Variants in IFFO2 observed in about 807,000 individuals in gnomAD.
The protein encoded by IFFO2 is intermediate filament family orphan 2.
Under a neutral mutation model 53.5 loss-of-function variants are expected in IFFO2, and 19 were observed. That is an observed-to-expected ratio of 0.36 (90% CI 0.25 to 0.52). IFFO2 has a LOEUF of 0.52. IFFO2 is among the 20% of genes least tolerant of loss of function. IFFO2 has a pLI of 0.94. For synonymous variants in IFFO2, 303 were observed against 313.6 expected (o/e 0.97, Z 0.36); for missense variants, 570 against 727.4 (o/e 0.78, Z 2.49).
chr1:18,953,893 C>T (rs74352848), intron 1 of IFFO2, among the ~76,000 whole-genome samples: 2,644 of 152,274 alleles, frequency 0.017, 63 homozygotes, highest in Non-Finnish European at 0.021. Context: ...GTCCAAAAAG[C>T]ACACACACAA....
At position 18,956,409 on chromosome 1, in the gene IFFO2, G is replaced by T. The variant is rs1438679904; in HGVS notation, c.-77C>A. On this transcript the variant is annotated 5_prime_UTR_variant, in exon 1 of 9. Coordinates refer to ENST00000455833, the MANE Select transcript of IFFO2 (RefSeq NM_001136265.2). This position sits in a 1 kb window ranked among gnomAD's most constrained non-coding sequence, Gnocchi z 6.4. ...CAGCTCCGGGCAGGGCTCCCGGCGC[G>T]GCCGGGCCAGGGTGGGCGCGGGCTC... 9.5e-5 allele frequency: 16 copies of T among 169,262 alleles called. No homozygotes were observed. The highest frequency in any genetic ancestry group is 2.0e-4 in the Non-Finnish European group (16 of 80,906). 10.5% of individuals were successfully genotyped at this position (169,262 alleles called of 1,614,324 possible). A position where few individuals can be genotyped will look rare whatever the true frequency, so the allele number is the denominator to read the frequency against.
chr1:18,951,196 C>A (rs1936655455), intron 1 of IFFO2, among the ~76,000 whole-genome samples: 1 of 152,204 alleles, frequency 6.6e-6, no homozygotes. Context: ...GTCAGAGAGG[C>A]ATGGAGCTAT....
Position 18,910,232 on chromosome 1 carries a change from T to C in IFFO2, c.1448+110A>G, listed in dbSNP as rs1310964963. On this transcript the variant is annotated intron_variant, in intron 8 of 8. Coordinates refer to ENST00000455833, the MANE Select transcript of IFFO2 (RefSeq NM_001136265.2). ...ATGGATGGACGGACGGACGGACAGA[T>C]GGACGGACAGAGAGACAGGTTGGGA... The C allele has an allele frequency of 5.0e-5, 62 of 1,241,158 alleles. No homozygotes were observed. The South Asian group carries it at 8.7e-4, about 17-fold the overall frequency. 76.9% of individuals were successfully genotyped at this position (1,241,158 alleles called of 1,614,324 possible). A position where few individuals can be genotyped will look rare whatever the true frequency, so the allele number is the denominator to read the frequency against.
chr1:18,915,281 TG>T, intron 5 of IFFO2, among the ~76,000 whole-genome samples: 1 of 152,310 alleles, frequency 6.6e-6, no homozygotes, highest in East Asian at 1.9e-4. Context: ...GCCCGTGCCC[TG>T]GGCTTTTGAA....
At chr1:18,955,126 G>C (rs1362888538) in intron 1 of IFFO2, among the ~76,000 whole-genome samples, 1 of 152,168 alleles carries the variant, frequency 6.6e-6, no homozygotes, top group Non-Finnish European at 1.5e-5. Context: ...GAAATAAAAA[G>C]GCAGTGGGTT....
rs1936192459 is a variant in IFFO2 at position 18,919,830 on chromosome 1, G to A, written c.727-57C>T. 7.9e-7 allele frequency: 1 copy of A among 1,263,148 alleles called. No homozygotes were observed. The highest frequency in any genetic ancestry group is 2.5e-5 in the East Asian group (1 of 39,542). The allele number at this position is 1,263,148 out of a possible 1,614,324, so 78.2% of individuals were successfully genotyped here. On this transcript the variant is annotated intron_variant, in intron 2 of 8. Coordinates refer to ENST00000455833, the MANE Select transcript of IFFO2 (RefSeq NM_001136265.2). This position sits in a 1 kb window ranked among gnomAD's most constrained non-coding sequence, Gnocchi z 4.9. ...GGGCCGGGTCCTCTGGGGATAGGAG[G>A]GTCTGGACACCTGAGTCCAGAGCCC...
In IFFO2 at chr1:18,956,400, T is replaced by C; in HGVS notation, c.-68A>G. The C allele has an allele frequency of 5.7e-6, 1 of 174,624 alleles. No homozygotes were observed. Among genetic ancestry groups the C allele is most frequent in the Non-Finnish European group, 1.2e-5 (1 of 85,058 alleles). The allele number at this position is 174,624 out of a possible 1,614,324, so 10.8% of individuals were successfully genotyped here. A position where few individuals can be genotyped will look rare whatever the true frequency, so the allele number is the denominator to read the frequency against. ...GTGCGGCTCCAGCTCCGGGCAGGGC[T>C]CCCGGCGCGGCCGGGCCAGGGTGGG... On this transcript the variant is annotated 5_prime_UTR_variant, in exon 1 of 9. Coordinates refer to ENST00000455833, the MANE Select transcript of IFFO2 (RefSeq NM_001136265.2). This position sits in a 1 kb window ranked among gnomAD's most constrained non-coding sequence, Gnocchi z 6.4.
Position 18,955,982 on chromosome 1 carries a change from C to CG in IFFO2, c.350dup (p.Ala118GlyfsTer103). 7.5e-7 allele frequency: 1 copy of CG among 1,335,866 alleles called. No individual in the cohort carries two copies. The highest frequency in any genetic ancestry group is 1.6e-5 in the South Asian group (1 of 61,646). The allele number at this position is 1,335,866 out of a possible 1,614,324, so 82.8% of individuals were successfully genotyped here. On this transcript the variant is annotated frameshift_variant, in exon 1 of 9. Transcript: ENST00000455833. LOFTEE classifies it high-confidence loss of function. The stretch of plus-strand genomic sequence containing the variant: ...TGAGGCCGTGCCCGCCGCCGGGCGC[C>CG]GGGGGCCGCAGCAACTCGGGCCCGG...
intron 1 of IFFO2, among the ~76,000 whole-genome samples, chr1:18,935,316 T>C (rs1040852692): frequency 6.6e-6 from 1 of 152,054 alleles, no homozygotes; most frequent in Non-Finnish European, 1.5e-5. Flanking sequence ...TCCAAAAGGG[T>C]AGACAGAGGT....
intron 1 of IFFO2, among the ~76,000 whole-genome samples, chr1:18,944,464 G>A: frequency 6.6e-6 from 1 of 152,112 alleles, no homozygotes; most frequent in East Asian, 1.9e-4. Flanking sequence ...CTAGGCCCTG[G>A]ACCATAATGG....
chr1:18,914,382 C>G (rs1936100297), intron 5 of IFFO2, among the ~76,000 whole-genome samples: 1 of 152,142 alleles, frequency 6.6e-6, no homozygotes, highest in Non-Finnish European at 1.5e-5. Flanking sequence ...AAAGCAGGGA[C>G]AACAATTTCT....
At chr1:18,952,904 G>A (rs1050318305) in intron 1 of IFFO2, among the ~76,000 whole-genome samples, 4 of 152,208 alleles carry the variant, frequency 2.6e-5, no homozygotes, top group Admixed American at 6.5e-5. Context: ...TAGCACAGGC[G>A]GTAGTACATG....
In IFFO2 at chr1:18,916,359, T is replaced by G. The variant is rs2100647690; in HGVS notation, c.1103+544A>C. ...ATGGAAGAGTATGCGCCTGTCCAGATTCAGCAGCTGCCATCCAGCCCTGTC... is the reference window on the plus strand; with the variant it reads ...ATGGAAGAGTATGCGCCTGTCCAGAGTCAGCAGCTGCCATCCAGCCCTGTC... On this transcript the variant is annotated intron_variant, in intron 5 of 8. Transcript: ENST00000455833. This position sits in a 1 kb window ranked among gnomAD's most constrained non-coding sequence, Gnocchi z 4.3. Among the ~76,000 whole-genome samples the G allele has an allele frequency of 6.6e-6, 1 of 152,290 alleles. No homozygotes were observed. The highest frequency in any genetic ancestry group is 2.4e-5 in the African/African-American group (1 of 41,564).
intron 1 of IFFO2, among the ~76,000 whole-genome samples, chr1:18,941,814 G>A (rs1357838109): frequency 1.3e-5 from 2 of 152,230 alleles, no homozygotes; most frequent in Non-Finnish European, 2.9e-5. Flanking sequence ...CGGGGAGGCT[G>A]AGACAGTCCA....
intron 1 of IFFO2, among the ~76,000 whole-genome samples, chr1:18,945,497 G>A (rs1407426635): frequency 6.6e-6 from 1 of 152,216 alleles, no homozygotes; most frequent in Non-Finnish European, 1.5e-5. Flanking sequence ...AGTGAGCCAA[G>A]AACCGTCTTA....
At chr1:18,909,468 A>G (rs1936000622) in intron 8 of IFFO2, among the ~76,000 whole-genome samples, 1 of 152,014 alleles carries the variant, frequency 6.6e-6, no homozygotes, top group African/African-American at 2.4e-5. Flanking sequence ...TTCCCACCCA[A>G]ATTGCATCTG....
Position 18,912,103 on chromosome 1 carries a change from G to C in IFFO2, c.1104-20C>G. On this transcript the variant is annotated intron_variant, in intron 5 of 8. Coordinates refer to ENST00000455833, the MANE Select transcript of IFFO2 (RefSeq NM_001136265.2). Reference sequence around the variant, plus strand: ...TCCCGCCTGTGGGGGTGACACCAGAGGGCATGACTGAACAGAAGGCAGGCT... The same window carrying C: ...TCCCGCCTGTGGGGGTGACACCAGACGGCATGACTGAACAGAAGGCAGGCT... 6.4e-7 allele frequency: 1 copy of C among 1,551,330 alleles called. No individual in the cohort carries two copies. Among genetic ancestry groups the C allele is most frequent in the Non-Finnish European group, 8.7e-7 (1 of 1,146,762 alleles).
chr1:18,923,955 C>CA (rs1936248431), intron 1 of IFFO2, among the ~76,000 whole-genome samples: 1 of 152,186 alleles, frequency 6.6e-6, no homozygotes, highest in South Asian at 2.1e-4. Context: ...CTGCACATAC[C>CA]ACACCCCCAG....
At position 18,918,399 on chromosome 1, in the gene IFFO2, TG is replaced by T; in HGVS notation, c.925del (p.Gln309SerfsTer36). The T allele has an allele frequency of 6.4e-7, 1 of 1,553,930 alleles. No homozygotes were observed. ...DITAKLCDVA[Q>X]QRNSEDVSKI... The stretch of plus-strand genomic sequence containing the variant: ...GGACACGTCTTCTGAGTTCCGCTGC[TG>T]TGCGACATCGCACAGCTTGGCCGTG... On this transcript the variant is annotated frameshift_variant, in exon 4 of 9. Coordinates refer to ENST00000455833, the MANE Select transcript of IFFO2 (RefSeq NM_001136265.2). LOFTEE classifies it high-confidence loss of function. The surrounding 1 kb of genome is among the most constrained non-coding windows in gnomAD (Gnocchi z 5.2).
Sources: allele counts gnomAD v4.1 joint callset (sites outside exome capture counted in the v4.1 genomes callset), GRCh38; gene constraint gnomAD v4.1.1; non-coding constraint Gnocchi (gnomAD v3.1); transcripts MANE v1.5; gene names NCBI Gene and HGNC (gene_info 2026-07-23, HGNC 2026-07-21).